Variants in TAFA4 observed in about 807,000 individuals in gnomAD.
TAFA4 encodes chemokine-like protein TAFA-4.
TAFA4 carries 20 observed loss-of-function variants against 21.1 expected under a neutral mutation model. The ratio of observed to expected loss-of-function variants is 0.95; its 90% CI spans 0.67 to 1.38. TAFA4 has a LOEUF of 1.38. TAFA4 is among the 40% of genes most tolerant of loss of function. The probability of loss-of-function intolerance (pLI) is 0.00; values close to 1 mark genes in which losing one functional copy is unlikely to be tolerated. For synonymous variants in TAFA4, 71 were observed against 67.4 expected (o/e 1.05, Z -0.26); for missense variants, 211 against 180.9 (o/e 1.17, Z -0.95).
intron 3 of TAFA4, among the ~76,000 whole-genome samples, chr3:68,875,169 T>C (rs1412266327): frequency 6.6e-6 from 1 of 151,736 alleles, no homozygotes; most frequent in Non-Finnish European, 1.5e-5. Context: ...AAGACTGAAA[T>C]GGAGACATCA....
chr3:68,923,222 A>T (rs2090076709), intron 1 of TAFA4, among the ~76,000 whole-genome samples: 1 of 152,190 alleles, frequency 6.6e-6, no homozygotes, highest in Non-Finnish European at 1.5e-5. Flanking sequence ...CATCAAGCAG[A>T]GCTGCTTCTA....
chr3:68,861,344 G>C (rs188708223), intron 3 of TAFA4, among the ~76,000 whole-genome samples: 27 of 151,958 alleles, frequency 1.8e-4, no homozygotes, highest in Non-Finnish European at 4.4e-5. Flanking sequence ...ATGAAAAGCT[G>C]AGACGACAGG....
intron 3 of TAFA4, among the ~76,000 whole-genome samples, chr3:68,770,158 G>C (rs1702926345): frequency 6.6e-6 from 1 of 152,150 alleles, no homozygotes; most frequent in Non-Finnish European, 1.5e-5. Flanking sequence ...ATTTTGGGTT[G>C]TGGGTTCATT....
At chr3:68,778,006 T>C (rs1277689312) in intron 3 of TAFA4, among the ~76,000 whole-genome samples, 3 of 152,136 alleles carry the variant, frequency 2.0e-5, no homozygotes, top group Non-Finnish European at 4.4e-5. Flanking sequence ...AGCATCTCCA[T>C]TGTTAAGCAA....
At chr3:68,845,158 AG>A (rs1211942034) in intron 3 of TAFA4, among the ~76,000 whole-genome samples, 1 of 152,120 alleles carries the variant, frequency 6.6e-6, no homozygotes, top group African/African-American at 2.4e-5. Flanking sequence ...GTCTCTTTGT[AG>A]GTCTCTAAGA....
intron 1 of TAFA4, among the ~76,000 whole-genome samples, chr3:68,899,004 A>G (rs2089819317): frequency 6.6e-6 from 1 of 152,204 alleles, no homozygotes; most frequent in Admixed American, 6.5e-5. Flanking sequence ...CACTACAGAA[A>G]GCCCAACTCA....
At chr3:68,874,553 G>C (rs2089524158) in intron 3 of TAFA4, among the ~76,000 whole-genome samples, 2 of 152,118 alleles carry the variant, frequency 1.3e-5, no homozygotes, top group African/African-American at 4.8e-5. Flanking sequence ...GCTTTGTTTA[G>C]ATGAGTCTAA....
intron 1 of TAFA4, among the ~76,000 whole-genome samples, chr3:68,885,547 G>A (rs2089663428): frequency 6.6e-6 from 1 of 152,126 alleles, no homozygotes; most frequent in Non-Finnish European, 1.5e-5. Flanking sequence ...TAGTTGTAAA[G>A]AACTTTCTGC....
chr3:68,915,114 C>T (rs538068612), intron 1 of TAFA4, among the ~76,000 whole-genome samples: 4 of 152,216 alleles, frequency 2.6e-5, no homozygotes, highest in East Asian at 3.9e-4. Flanking sequence ...GTCAGTGATG[C>T]GGTCCCATGA....
chr3:68,736,250 G>T (rs1328265420), intron 5 of TAFA4, among the ~76,000 whole-genome samples: 1 of 151,254 alleles, frequency 6.6e-6, no homozygotes, highest in East Asian at 1.9e-4. Context: ...GCAAAACCCA[G>T]ATTTCAATTA....
intron 3 of TAFA4, among the ~76,000 whole-genome samples, chr3:68,834,769 T>G (rs1191568825): frequency 6.6e-6 from 1 of 152,152 alleles, no homozygotes; most frequent in Non-Finnish European, 1.5e-5. Flanking sequence ...GTCAGCAGAA[T>G]GGCACTGGCT....
chr3:68,858,577 CGTGTGTGTGT>C (rs4065047), intron 3 of TAFA4, among the ~76,000 whole-genome samples: 1,872 of 146,148 alleles, frequency 0.013, 36 homozygotes, highest in African/African-American at 0.045. Context: ...TTCCAAGTGA[CGTGTGTGTGT>C]GTGTGTGTGT....
intron 3 of TAFA4, among the ~76,000 whole-genome samples, chr3:68,776,679 G>C (rs1424939102): frequency 6.6e-6 from 1 of 152,146 alleles, no homozygotes; most frequent in South Asian, 2.1e-4. Context: ...TTATGGAAGA[G>C]TACAACCGAC....
intron 3 of TAFA4, among the ~76,000 whole-genome samples, chr3:68,772,027 A>T (rs942156477): frequency 2.0e-5 from 3 of 146,772 alleles, no homozygotes; most frequent in Admixed American, 1.3e-4. Flanking sequence ...AGGGATGAAG[A>T]TTTTTTTTTT....
chr3:68,814,584 T>C (rs1481349859), intron 3 of TAFA4, among the ~76,000 whole-genome samples: 5 of 152,056 alleles, frequency 3.3e-5, no homozygotes, highest in Non-Finnish European at 5.9e-5. Context: ...GAGAATAAAA[T>C]ACCTAGGAAT....
intron 3 of TAFA4, among the ~76,000 whole-genome samples, chr3:68,796,731 T>A (rs1461516071): frequency 6.6e-6 from 1 of 152,208 alleles, no homozygotes; most frequent in Non-Finnish European, 1.5e-5. Context: ...TTGCAAATCA[T>A]GTCTCTGATA....
chr3:68,744,403 A>G (rs995741701), intron 4 of TAFA4, among the ~76,000 whole-genome samples: 5 of 152,228 alleles, frequency 3.3e-5, no homozygotes, highest in African/African-American at 1.2e-4. Flanking sequence ...CAGCCAGGGA[A>G]GGAGTCTGAG....
At chr3:68,803,560 A>G (rs1703620865) in intron 3 of TAFA4, among the ~76,000 whole-genome samples, 1 of 151,998 alleles carries the variant, frequency 6.6e-6, no homozygotes, top group Non-Finnish European at 1.5e-5. Context: ...GCAGGGAGGG[A>G]AGTACTAAGA....
intron 5 of TAFA4, among the ~76,000 whole-genome samples, chr3:68,738,157 G>C (rs1168024033): frequency 5.3e-5 from 8 of 152,174 alleles, no homozygotes; most frequent in Non-Finnish European, 1.2e-4. Context: ...AAAAAATGAT[G>C]ATTAGCCAGA....
Sources: gnomAD v4.1 joint callset for allele counts (sites outside exome capture counted in the v4.1 genomes callset) on GRCh38, gnomAD v4.1.1 for gene constraint, MANE v1.5 for transcripts, NCBI Gene and HGNC (gene_info 2026-07-23, HGNC 2026-07-21) for gene names.